The following NLGN3 variants were observed in gnomAD, a reference collection of about 807,000 sequenced individuals.
NLGN3 encodes neuroligin-3.
A neutral mutation model predicts 42.9 loss-of-function variants in NLGN3; 11 were observed. The ratio of observed to expected loss-of-function variants is 0.26; its 90% CI spans 0.16 to 0.42. The LOEUF (loss-of-function observed/expected upper bound fraction) is 0.42. NLGN3 is among the 10% of genes least tolerant of loss of function. The pLI is 1.00. For synonymous variants in NLGN3, 279 were observed against 312.7 expected, an observed-to-expected ratio of 0.89 and a Z score of 1.14; for missense variants, 374 against 733.8, an observed-to-expected ratio of 0.51 and a Z score of 5.67.
At chrX:71,161,987 A>G (rs950712569) in intron 5 of NLGN3, among the ~76,000 whole-genome samples, 5 of 112,502 alleles carry the variant, frequency 4.4e-5, no homozygotes, top group Admixed American at 9.4e-5. Context: ...AATGAAAGAA[A>G]AGGAAAAGAG....
intron 5 of NLGN3, among the ~76,000 whole-genome samples, chrX:71,160,980 G>A (rs997176651): frequency 1.8e-5 from 2 of 112,171 alleles, no homozygotes; most frequent in African/African-American, 3.2e-5. Context: ...TCTGTGGATG[G>A]TTGAGTTACT....
In NLGN3 at chrX:71,148,073, G is replaced by A. The variant is rs2092377437; in HGVS notation, c.324G>A (p.Gln108=). The change falls in exon 2 of 8, where the codon CAG becomes CAA. Residue 108 remains glutamine, a synonymous_variant. Coordinates refer to ENST00000358741, the MANE Select transcript of NLGN3 (RefSeq NM_181303.2). ...NATHFPPVCP[Q]NIHTAVPEVM... is the part of the protein sequence containing the mutation. ...CACACTTTCCCCCAGTGTGCCCCCA[G>A]AACATCCACACAGCTGTGCCCGAAG... 8.3e-7 allele frequency: 1 copy of A among 1,207,585 alleles called. No individual in the cohort carries two copies. The highest frequency in any genetic ancestry group is 1.8e-5 in the African/African-American group (1 of 56,596).
intron 5 of NLGN3, among the ~76,000 whole-genome samples, chrX:71,163,870 G>A (rs753839926): frequency 3.6e-5 from 4 of 112,356 alleles, no homozygotes; most frequent in Non-Finnish European, 5.6e-5. Context: ...AGTTTCTGCA[G>A]TTTGTCTCCC....
rs751021754 is a variant in NLGN3, at chrX:71,170,037, C to T, written c.2487C>T (p.Thr829=). Residue 829 remains threonine (T), a synonymous_variant, in exon 8 of 8, where the codon ACC becomes ACT. Coordinates refer to ENST00000358741, the MANE Select transcript of NLGN3 (RefSeq NM_181303.2). ...VGLQTLHPYN[T]FAAGFNSTGL... is the part of the protein sequence containing the mutation. Reference sequence around the variant, plus strand: ...TGCAGACATTGCACCCCTATAACACCTTTGCCGCAGGGTTCAACAGTACCG... The same window carrying T: ...TGCAGACATTGCACCCCTATAACACTTTTGCCGCAGGGTTCAACAGTACCG... 6 of 1,207,479 alleles carry T rather than the reference C, an allele frequency of 5.0e-6. No individual in the cohort carries two copies. The African/African-American group carries it at 1.1e-4, about 21-fold the overall frequency.
At position 71,169,707 on chromosome X, in the gene NLGN3, G is replaced by C; in HGVS notation, c.2157G>C (p.Leu719=). 1 of 1,211,782 alleles carries C rather than the reference G, an allele frequency of 8.3e-7. No homozygotes were observed. The highest frequency in any genetic ancestry group is 1.1e-6 in the Non-Finnish European group (1 of 895,413). The stretch of plus-strand genomic sequence containing the variant: ...CCATCGCCGTGGGGGCCTCCCTCCT[G>C]TTCCTTAACGTTCTGGCCTTCGCTG... ...SVTIAVGASL[L]FLNVLAFAAL... Residue 719 remains leucine, a synonymous_variant, in exon 8 of 8, where the codon CTG becomes CTC. Transcript: ENST00000358741.
At chrX:71,146,277 C>G (rs947552147) in intron 1 of NLGN3, among the ~76,000 whole-genome samples, 1 of 106,526 alleles carries the variant, frequency 9.4e-6, no homozygotes, top group Admixed American at 1.0e-4. Flanking sequence ...CTCCCTCCCC[C>G]ACCCCTTCAG....
In NLGN3 at chrX:71,164,080, C is replaced by T. The variant is rs73634867; in HGVS notation, c.728-63C>T. 9.0e-3 allele frequency: 9,911 copies of T among 1,095,593 alleles called. 507 individuals carry two copies. In the African/African-American group the frequency reaches 0.15, roughly 17 times the overall value. 90.3% of individuals were successfully genotyped at this position (1,095,593 alleles called of 1,213,427 possible). A position where few individuals can be genotyped will look rare whatever the true frequency, so the allele number is the denominator to read the frequency against. ...CACCTCCCCTGTTGACCCTGCCTGC[C>T]GTCATCACCCAAATCCTCCATCCCT... is the stretch of plus-strand genomic sequence containing the variant. On this transcript the variant is annotated intron_variant, in intron 5 of 7. Coordinates refer to ENST00000358741, the MANE Select transcript of NLGN3 (RefSeq NM_181303.2).
At chrX:71,160,129 A>G (rs1446816036) in intron 5 of NLGN3, among the ~76,000 whole-genome samples, 3 of 106,244 alleles carry the variant, frequency 2.8e-5, no homozygotes, top group African/African-American at 1.0e-4. Context: ...ACAGGCATTC[A>G]TTCACTCTCC....
At chrX:71,167,853 C>T (rs1213456589) in intron 7 of NLGN3, 53 bp downstream of exon 7, 2 of 1,024,130 alleles carry the variant, frequency 2.0e-6, no homozygotes, top group Non-Finnish European at 2.7e-6. Context: ...ATGCCCTCCC[C>T]TCTGCTCCTC....
intron 4 of NLGN3, among the ~76,000 whole-genome samples, chrX:71,153,977 G>A (rs910109759): frequency 1.8e-5 from 2 of 111,657 alleles, no homozygotes; most frequent in African/African-American, 3.3e-5. Flanking sequence ...GAGGGGCCCC[G>A]CAGGATGGTG....
In NLGN3 at chrX:71,155,410, G is replaced by C. The variant is rs188618786; in HGVS notation, c.727+47G>C. 265 of 1,187,656 alleles carry C rather than the reference G, an allele frequency of 2.2e-4. 1 individual carries two copies. In the Admixed American group the frequency reaches 2.7e-3, roughly 12 times the overall value. On this transcript the variant is annotated intron_variant, in intron 5 of 7. Transcript: ENST00000358741. Reference sequence around the variant, plus strand: ...CTGGAAGGAAGACTGGCTTCGCAAGGGGGGAGGAAAGAATGCTGGAGAATT... The same window carrying C: ...CTGGAAGGAAGACTGGCTTCGCAAGCGGGGAGGAAAGAATGCTGGAGAATT...
At chrX:71,154,336 T>G (rs1431196810) in intron 4 of NLGN3, among the ~76,000 whole-genome samples, 1 of 113,175 alleles carries the variant, frequency 8.8e-6, no homozygotes, top group African/African-American at 3.2e-5. Context: ...TGGGTAGGGC[T>G]GTGCTGGCAT....
At chrX:71,157,696 G>A in intron 5 of NLGN3, among the ~76,000 whole-genome samples, 1 of 111,217 alleles carries the variant, frequency 9.0e-6, no homozygotes, top group Admixed American at 9.6e-5. Context: ...TTCACTTCTG[G>A]GTGCAGTTGT....
At chrX:71,173,821 T>C (rs950929823), downstream of NLGN3, among the ~76,000 whole-genome samples, 4 of 111,643 alleles carry the variant, frequency 3.6e-5, no homozygotes, top group Admixed American at 2.9e-4. Context: ...ATGAAATGCA[T>C]GTGCTTCAAT....
chrX:71,168,853 G>GA (rs1556351543), intron 7 of NLGN3, among the ~76,000 whole-genome samples: 2 of 85,100 alleles, frequency 2.4e-5, no homozygotes, highest in African/African-American at 1.3e-4. Context: ...AAGAAAGAAA[G>GA]AAAGAAAGAA....
chrX:71,169,130 G>A (rs2092461593), intron 7 of NLGN3, 124 bp from the exon 8 acceptor site: 3 of 835,078 alleles, frequency 3.6e-6, no homozygotes, highest in Non-Finnish European at 5.2e-6. Flanking sequence ...AGGGGACCCT[G>A]AAAAAGATGG....
chrX:71,171,373 C>T (rs2092470992), downstream of NLGN3, among the ~76,000 whole-genome samples: 1 of 107,671 alleles, frequency 9.3e-6, no homozygotes, highest in East Asian at 3.0e-4. Context: ...GGTTGGGGGC[C>T]CCTGCATGAA....
At chrX:71,150,719 A>G (rs1375334211) in intron 3 of NLGN3, among the ~76,000 whole-genome samples, 33 of 102,369 alleles carry the variant, frequency 3.2e-4, no homozygotes, top group East Asian at 8.8e-4. Flanking sequence ...AAAAAAAAAA[A>G]AAAGAAAGAA....
chrX:71,161,809 T>C (rs1165299001), intron 5 of NLGN3, among the ~76,000 whole-genome samples: 1 of 112,281 alleles, frequency 8.9e-6, no homozygotes, highest in Non-Finnish European at 1.9e-5. Flanking sequence ...AAATCCTCCA[T>C]CCAGCCCTTT....
Sources: allele counts gnomAD v4.1 joint callset (sites outside exome capture counted in the v4.1 genomes callset), GRCh38; gene constraint gnomAD v4.1.1; transcripts MANE v1.5; gene names NCBI Gene and HGNC (gene_info 2026-07-23, HGNC 2026-07-21).